The following POPDC1 variants were observed in gnomAD, a reference collection of about 807,000 sequenced individuals.
POPDC1 encodes the protein popeye domain cAMP effector 1.
At chr6:105,124,680 A>G in the POPDC1 span, 2 of 1,462,570 alleles carry the variant, frequency 1.4e-6, no homozygotes, top group South Asian at 2.3e-5. Flanking sequence ...TAATGTTAAT[A>G]AAAGCAATAT....
At chr6:105,111,974 G>T in the POPDC1 span, among the ~76,000 whole-genome samples, 1 of 152,168 alleles carries the variant, frequency 6.6e-6, no homozygotes, top group Non-Finnish European at 1.5e-5. Context: ...AGAAAGACAA[G>T]AACACCATAA....
chr6:105,098,825 C>T, the POPDC1 span: 1 of 152,162 alleles, frequency 6.6e-6, no homozygotes, highest in East Asian at 1.9e-4. Context: ...AAAACAAGCT[C>T]CTAATTTAGC....
the POPDC1 span, among the ~76,000 whole-genome samples, chr6:105,131,201 A>G: frequency 2.0e-5 from 3 of 152,230 alleles, no homozygotes; most frequent in East Asian, 5.8e-4. Context: ...TTATTTCATA[A>G]GAATGATTTG....
chr6:105,133,542 T>G, the POPDC1 span: 1 of 1,613,628 alleles, frequency 6.2e-7, no homozygotes, highest in Non-Finnish European at 8.5e-7. Flanking sequence ...CTATGGCAGT[T>G]GATTCTCTCA....
the POPDC1 span, among the ~76,000 whole-genome samples, chr6:105,103,150 T>C: frequency 1.3e-5 from 2 of 152,216 alleles, no homozygotes; most frequent in Non-Finnish European, 2.9e-5. Context: ...TACTTCTTTG[T>C]GCCTTAATTT....
At chr6:105,118,580 TTCTAGTGGA>T in the POPDC1 span, among the ~76,000 whole-genome samples, 3 of 152,170 alleles carry the variant, frequency 2.0e-5, no homozygotes, top group Non-Finnish European at 4.4e-5. Context: ...GAAGCTTACA[TTCTAGTGGA>T]GAAGGATGAT....
chr6:105,097,910 G>C, the POPDC1 span: 1 of 152,168 alleles, frequency 6.6e-6, no homozygotes, highest in Admixed American at 6.5e-5. Context: ...CATCACTGCG[G>C]ATTTATATAG....
the POPDC1 span, among the ~76,000 whole-genome samples, chr6:105,128,744 A>T: frequency 6.6e-6 from 1 of 152,352 alleles, no homozygotes; most frequent in African/African-American, 2.4e-5. Context: ...TAAGGCAAGC[A>T]TTATATCTTT....
chr6:105,116,729 G>C, the POPDC1 span: 1 of 1,606,498 alleles, frequency 6.2e-7, no homozygotes, highest in Non-Finnish European at 8.5e-7. Flanking sequence ...ATCATTCAAT[G>C]AGTAGAGCTT....
chr6:105,109,049 C>G, the POPDC1 span, among the ~76,000 whole-genome samples: 2 of 152,184 alleles, frequency 1.3e-5, no homozygotes, highest in Admixed American at 6.5e-5. Flanking sequence ...CAACCTCAAC[C>G]TCCTCGGGCT....
the POPDC1 span, among the ~76,000 whole-genome samples, chr6:105,123,777 CCT>C: frequency 1.3e-5 from 2 of 152,300 alleles, no homozygotes; most frequent in African/African-American, 4.8e-5. Context: ...CGTTCTTTCC[CCT>C]TAAACATATT....
At chr6:105,110,829 G>A in the POPDC1 span, among the ~76,000 whole-genome samples, 3 of 152,180 alleles carry the variant, frequency 2.0e-5, no homozygotes, top group African/African-American at 7.2e-5. Flanking sequence ...GACCACAGGC[G>A]CATGCCATCA....
chr6:105,116,839 T>C, the POPDC1 span: 1 of 1,612,316 alleles, frequency 6.2e-7, no homozygotes, highest in Non-Finnish European at 8.5e-7. Flanking sequence ...AGCATAAAAA[T>C]CTGCAGTTAT....
chr6:105,136,035 G>A, the POPDC1 span, among the ~76,000 whole-genome samples: 1 of 152,102 alleles, frequency 6.6e-6, no homozygotes, highest in African/African-American at 2.4e-5. Flanking sequence ...TTTTCAAATA[G>A]GTGATTGTAG....
the POPDC1 span, among the ~76,000 whole-genome samples, chr6:105,135,688 A>G: frequency 6.6e-6 from 1 of 152,100 alleles, no homozygotes; most frequent in Non-Finnish European, 1.5e-5. Context: ...GTCATCCTAA[A>G]CATGTTTTGA....
chr6:105,114,591 A>G, the POPDC1 span, among the ~76,000 whole-genome samples: 1 of 152,262 alleles, frequency 6.6e-6, no homozygotes, highest in East Asian at 1.9e-4. Flanking sequence ...TAATTCATGC[A>G]ATGGAAGAAT....
chr6:105,099,624 A>T, the POPDC1 span: 1 of 152,196 alleles, frequency 6.6e-6, no homozygotes, highest in Non-Finnish European at 1.5e-5. Flanking sequence ...TGTTTACTAA[A>T]CCATGATTTC....
At chr6:105,105,832 T>C in the POPDC1 span, among the ~76,000 whole-genome samples, 1 of 152,224 alleles carries the variant, frequency 6.6e-6, no homozygotes, top group East Asian at 1.9e-4. Flanking sequence ...GAGGAAGAAA[T>C]AGAGCTTATC....
the POPDC1 span, among the ~76,000 whole-genome samples, chr6:105,126,638 C>CA: frequency 6.6e-6 from 1 of 152,032 alleles, no homozygotes; most frequent in Non-Finnish European, 1.5e-5. Context: ...TTCACACACA[C>CA]AAAAAATTTA....
Sources: gnomAD v4.1 joint callset for allele counts (sites outside exome capture counted in the v4.1 genomes callset) on GRCh38, gnomAD v4.1.1 for gene constraint, MANE v1.5 for transcripts, NCBI Gene and HGNC (gene_info 2026-07-23, HGNC 2026-07-21) for gene names.